Variants in DMRT1 observed in about 807,000 individuals in gnomAD.
DMRT1 encodes the protein doublesex- and mab-3-related transcription factor 1.
DMRT1 carries 7 observed loss-of-function variants against 32.3 expected under a neutral mutation model. The ratio of observed to expected loss-of-function variants is 0.22; its 90% CI spans 0.12 to 0.41. The LOEUF is 0.41. Among genes scored for constraint, DMRT1 ranks in the 10% least tolerant of loss-of-function variants. The probability of loss-of-function intolerance (pLI) is 1.00; values close to 1 mark genes in which losing one functional copy is unlikely to be tolerated. For missense variants in DMRT1, 625 were observed against 500.5 expected, an observed-to-expected ratio of 1.25 and a Z score of -2.37; for synonymous variants, 278 against 206.1, an observed-to-expected ratio of 1.35 and a Z score of -2.99.
At chr9:938,617 C>T (rs1818963004) in intron 4 of DMRT1, among the ~76,000 whole-genome samples, 1 of 152,090 alleles carries the variant, frequency 6.6e-6, no homozygotes, top group South Asian at 2.1e-4. Flanking sequence ...TGCAACTTTG[C>T]TGAATTTATT....
rs1838932612 is a variant in DMRT1, at chr9:847,005, A to G, written c.400A>G (p.Ser134Gly). The change falls in exon 2 of 5, where the codon AGC becomes GGC. Residue 134 changes from serine to glycine, a missense_variant. Ser to Gly is a moderately conservative substitution (Grantham distance 56). Around this residue, in one of 3 missense-constraint regions of DMRT1, gnomAD observed 416 missense variants for 321.6 expected, o/e 1.29. Transcript: ENST00000382276. ...GGCCCAGGAGGAGGAATTGGGTATC[A>G]GCCACCCCATCCCACTGCCCAGTGC... ...QQAQEEELGI[S>G]HPIPLPSAAE... 1.2e-6 allele frequency: 2 copies of G among 1,614,050 alleles called. No homozygotes were observed. Among genetic ancestry groups the G allele is most frequent in the African/African-American group, 2.7e-5 (2 of 74,936 alleles).
At chr9:900,185 C>T (rs1289954628) in intron 3 of DMRT1, among the ~76,000 whole-genome samples, 2 of 84,090 alleles carry the variant, frequency 2.4e-5, no homozygotes, top group African/African-American at 6.7e-5. Flanking sequence ...AAGGAAACCG[C>T]GTTCTGGCAT....
At chr9:888,384 C>T (rs147779071) in intron 2 of DMRT1, among the ~76,000 whole-genome samples, 49 of 151,944 alleles carry the variant, frequency 3.2e-4, no homozygotes, top group African/African-American at 9.7e-4. Context: ...CGGCTCACTG[C>T]ACCCTCTGCC....
intron 2 of DMRT1, among the ~76,000 whole-genome samples, chr9:863,685 G>A (rs1178159828): frequency 6.6e-6 from 1 of 152,180 alleles, no homozygotes; most frequent in African/African-American, 2.4e-5. Flanking sequence ...CGGACCCACA[G>A]AACTCTAAGA....
rs147267666 is a variant in DMRT1 at position 844,295 on chromosome 9, A to T, written c.354+2103A>T. On this transcript the variant is annotated intron_variant, in intron 1 of 4. Coordinates refer to ENST00000382276, the MANE Select transcript of DMRT1 (RefSeq NM_021951.3). Reference sequence around the variant, plus strand: ...CAACTACTTCTAGTCATTTTTAAATAGTTTGAAATTGATCTTACGTATGAT... The same window carrying T: ...CAACTACTTCTAGTCATTTTTAAATTGTTTGAAATTGATCTTACGTATGAT... Among the ~76,000 whole-genome samples, 45 of 152,330 alleles carry T rather than the reference A, an allele frequency of 3.0e-4. 1 individual carries two copies. The highest frequency in any genetic ancestry group is 8.2e-4 in the African/African-American group (34 of 41,586).
intron 2 of DMRT1, among the ~76,000 whole-genome samples, chr9:878,140 A>G (rs1220513849): frequency 6.6e-6 from 1 of 151,656 alleles, no homozygotes; most frequent in African/African-American, 2.4e-5. Context: ...TGGAATGAAC[A>G]TTGAATAGCA....
chr9:846,950 G>A lies in DMRT1; in HGVS notation c.355-10G>A, dbSNP rs751538161. The A allele has an allele frequency of 1.9e-6, 3 of 1,614,108 alleles. No individual in the cohort carries two copies. Among genetic ancestry groups the A allele is most frequent in the Non-Finnish European group, 2.5e-6 (3 of 1,180,058 alleles). ...GTGCTGGAGGATGACTCATTGTCGTGTGCTTCCAGGTGGCCCTGAGAAGGC... is the reference window on the plus strand; with the variant it reads ...GTGCTGGAGGATGACTCATTGTCGTATGCTTCCAGGTGGCCCTGAGAAGGC... On this transcript the variant is annotated splice_polypyrimidine_tract_variant and intron_variant, in intron 1 of 4. Coordinates refer to ENST00000382276, the MANE Select transcript of DMRT1 (RefSeq NM_021951.3).
At chr9:952,335 T>C (rs548106175) in intron 4 of DMRT1, among the ~76,000 whole-genome samples, 8 of 152,322 alleles carry the variant, frequency 5.3e-5, no homozygotes, top group African/African-American at 1.4e-4. Context: ...ACAGTAGTCA[T>C]TGTTTTCCTT....
At chr9:859,245 G>A (rs78110213) in intron 2 of DMRT1, among the ~76,000 whole-genome samples, 4 of 152,066 alleles carry the variant, frequency 2.6e-5, no homozygotes, top group Non-Finnish European at 5.9e-5. Context: ...GCTCTAACCT[G>A]TGCCTCTTGG....
At chr9:906,781 A>C (rs1395788316) in intron 3 of DMRT1, among the ~76,000 whole-genome samples, 1 of 152,258 alleles carries the variant, frequency 6.6e-6, no homozygotes, top group Non-Finnish European at 1.5e-5. Context: ...GTAGGTCTTT[A>C]TACTAAGCAG....
intron 1 of DMRT1, among the ~76,000 whole-genome samples, chr9:844,008 A>G (rs1467106522): frequency 2.0e-5 from 3 of 152,210 alleles, no homozygotes; most frequent in Non-Finnish European, 4.4e-5. Flanking sequence ...TGGACTTTTA[A>G]ATTATACTCT....
intron 2 of DMRT1, among the ~76,000 whole-genome samples, chr9:889,306 A>C (rs1486289830): frequency 6.6e-6 from 1 of 152,374 alleles, no homozygotes; most frequent in East Asian, 1.9e-4. Flanking sequence ...ACTTTGTCAA[A>C]TCTAACTTTT....
At position 841,914 on chromosome 9, in the gene DMRT1, G is replaced by A. The variant is rs773825242; in HGVS notation, c.76G>A (p.Gly26Ser). ...APHAPGVPPQ[G>S]RAGGFGKASG... ...TCACGCCCCCGGGGTACCGCCGCAGGGCAGAGCCGGGGGCTTTGGCAAAGC... is the reference window on the plus strand; with the variant it reads ...TCACGCCCCCGGGGTACCGCCGCAGAGCAGAGCCGGGGGCTTTGGCAAAGC... The change falls in exon 1 of 5, where the codon GGC becomes AGC. Residue 26 changes from glycine to serine, a missense_variant. Physicochemically the swap from Gly to Ser is moderately conservative, Grantham distance 56. Around this residue, in one of 3 missense-constraint regions of DMRT1, gnomAD observed 201 missense variants for 152.0 expected, o/e 1.32. Transcript: ENST00000382276. The A allele has an allele frequency of 2.5e-6, 4 of 1,609,282 alleles. No individual in the cohort carries two copies. Among genetic ancestry groups the A allele is most frequent in the Non-Finnish European group, 3.4e-6 (4 of 1,177,904 alleles).
At chr9:954,897 C>T (rs200595442) in intron 4 of DMRT1, among the ~76,000 whole-genome samples, 1 of 152,152 alleles carries the variant, frequency 6.6e-6, no homozygotes, top group Non-Finnish European at 1.5e-5. Context: ...GCCTCGGCCT[C>T]CCAAAGTGCT....
chr9:870,099 T>C (rs1004665815), intron 2 of DMRT1, among the ~76,000 whole-genome samples: 11 of 152,188 alleles, frequency 7.2e-5, no homozygotes, highest in African/African-American at 2.4e-4. Context: ...CTATTCAACA[T>C]GTAAGAAAGA....
At position 968,250 on chromosome 9, in the gene DMRT1, T is replaced by A; in HGVS notation, c.*111T>A. On this transcript the variant is annotated 3_prime_UTR_variant, in exon 5 of 5. Transcript: ENST00000382276. ...CATACTATCTTAACTGTTGAGAACG[T>A]ATTTGGTTTATATTCCTTAGAGTTT... The A allele has an allele frequency of 7.4e-7, 1 of 1,349,434 alleles. No individual in the cohort carries two copies. Among genetic ancestry groups the A allele is most frequent in the South Asian group, 1.3e-5 (1 of 79,388 alleles). The allele number at this position is 1,349,434 out of a possible 1,614,324, so 83.6% of individuals were successfully genotyped here. A position where few individuals can be genotyped will look rare whatever the true frequency, so the allele number is the denominator to read the frequency against.
At chr9:917,568 C>A (rs1018465653) in intron 4 of DMRT1, among the ~76,000 whole-genome samples, 4 of 152,122 alleles carry the variant, frequency 2.6e-5, no homozygotes, top group Non-Finnish European at 5.9e-5. Flanking sequence ...AGTTAAGCAT[C>A]CTCTTTTGAT....
intron 4 of DMRT1, 79 bp downstream of exon 4, chr9:916,986 A>G: frequency 6.7e-7 from 1 of 1,495,040 alleles, no homozygotes; most frequent in South Asian, 1.1e-5. Context: ...GCTGTGTCTA[A>G]TGGCTTAGCT....
intron 4 of DMRT1, among the ~76,000 whole-genome samples, chr9:921,414 T>G (rs1818349813): frequency 6.6e-6 from 1 of 152,238 alleles, no homozygotes; most frequent in Non-Finnish European, 1.5e-5. Flanking sequence ...TTGGGTTGTT[T>G]CCACCTTTTG....
Sources: gnomAD v4.1 joint callset for allele counts (sites outside exome capture counted in the v4.1 genomes callset) on GRCh38, gnomAD v4.1.1 for gene constraint, gnomAD v4.1.1 regional missense constraint, MANE v1.5 for transcripts, NCBI Gene and HGNC (gene_info 2026-07-23, HGNC 2026-07-21) for gene names.